Variants in PACRG observed in about 807,000 individuals in gnomAD.
PACRG encodes the protein parkin coregulated gene protein.
Under a neutral mutation model 29.7 loss-of-function variants are expected in PACRG, and 29 were observed. That is an observed-to-expected ratio of 0.98 (90% confidence interval 0.73 to 1.33). The LOEUF (loss-of-function observed/expected upper bound fraction) is 1.33. Among genes scored for constraint, PACRG ranks in the 40% most tolerant of loss-of-function variants. The probability of loss-of-function intolerance (pLI) is 0.00; values close to 1 mark genes in which losing one functional copy is unlikely to be tolerated. For synonymous variants in PACRG, 116 were observed against 118.7 expected, an observed-to-expected ratio of 0.98 and a Z score of 0.15; for missense variants, 279 against 316.2, an observed-to-expected ratio of 0.88 and a Z score of 0.89.
At chr6:162,749,230 T>C (rs1781330345) in intron 1 of PACRG, among the ~76,000 whole-genome samples, 1 of 152,182 alleles carries the variant, frequency 6.6e-6, no homozygotes, top group African/African-American at 2.4e-5. Flanking sequence ...CTCTGAACAT[T>C]GTTGTACAAG....
chr6:162,728,076 G>C lies in PACRG; in HGVS notation c.-160G>C. ...CTAGGGTCCAGCTCCCTTCACCTAG[G>C]AGCTGCCAAACATCTGGATCAACCT... On this transcript the variant is annotated 5_prime_UTR_variant, in exon 1 of 5. Coordinates refer to ENST00000366888, the MANE Select transcript of PACRG (RefSeq NM_001080379.2). The C allele has an allele frequency of 1.2e-6, 1 of 867,446 alleles. No homozygotes were observed. The highest frequency in any genetic ancestry group is 1.8e-6 in the Non-Finnish European group (1 of 556,570). The allele number at this position is 867,446 out of a possible 1,614,324, so 53.7% of individuals were successfully genotyped here.
Position 162,814,165 on chromosome 6 carries a change from G to GC in PACRG, c.176dup (p.Gly60ArgfsTer4). ...AATTAAGGTGAGAGGCCCTCCAGCT[G>GC]CAGGGGCATTTAAAGAAAGACCAAC... On this transcript the variant is annotated frameshift_variant, in exon 2 of 5. Coordinates refer to ENST00000366888, the MANE Select transcript of PACRG (RefSeq NM_001080379.2). LOFTEE classifies it high-confidence loss of function. The GC allele has an allele frequency of 6.2e-7, 1 of 1,611,710 alleles. No homozygotes were observed. Among genetic ancestry groups the GC allele is most frequent in the Non-Finnish European group, 8.5e-7 (1 of 1,178,614 alleles).
At chr6:162,868,067 G>A (rs1013548701) in intron 2 of PACRG, among the ~76,000 whole-genome samples, 3 of 152,162 alleles carry the variant, frequency 2.0e-5, no homozygotes, top group Non-Finnish European at 4.4e-5. Flanking sequence ...AGACCCTTTT[G>A]CATTTTAAGC....
intron 4 of PACRG, among the ~76,000 whole-genome samples, chr6:163,122,408 G>A (rs1397132611): frequency 6.6e-6 from 1 of 152,138 alleles, no homozygotes; most frequent in African/African-American, 2.4e-5. Flanking sequence ...ACTGTTAGAG[G>A]TGGAGCCTAC....
chr6:162,865,344 A>G (rs1473362243), intron 2 of PACRG, among the ~76,000 whole-genome samples: 1 of 152,226 alleles, frequency 6.6e-6, no homozygotes, highest in Non-Finnish European at 1.5e-5. Context: ...TCCACTGACT[A>G]TGATAGTCTT....
At chr6:163,042,267 G>A (rs922612814) in intron 2 of PACRG, among the ~76,000 whole-genome samples, 3 of 152,226 alleles carry the variant, frequency 2.0e-5, no homozygotes, top group African/African-American at 7.2e-5. Context: ...AGAGCCAGGA[G>A]CAAGGGGAAT....
intron 2 of PACRG, among the ~76,000 whole-genome samples, chr6:162,889,709 T>C (rs974220680): frequency 6.6e-6 from 1 of 152,260 alleles, no homozygotes; most frequent in East Asian, 1.9e-4. Context: ...CTTCTACTTA[T>C]ATAAGCATCT....
chr6:162,789,715 T>G (rs10755591), intron 1 of PACRG, among the ~76,000 whole-genome samples: 1 of 151,936 alleles, frequency 6.6e-6, no homozygotes, highest in African/African-American at 2.4e-5. Context: ...TTAGACTGTT[T>G]TCATAAGTCT....
At chr6:163,257,322 T>G (rs1783152491) in intron 4 of PACRG, among the ~76,000 whole-genome samples, 2 of 151,484 alleles carry the variant, frequency 1.3e-5, no homozygotes, top group African/African-American at 2.4e-5. Context: ...TGGATAGGGG[T>G]AAGGGGGTTC....
chr6:163,090,928 C>T (rs974238524), intron 4 of PACRG, among the ~76,000 whole-genome samples: 9 of 152,192 alleles, frequency 5.9e-5, no homozygotes. Context: ...GATGCATGTA[C>T]TATTACTATT....
At chr6:163,100,953 A>C (rs1192268607) in intron 4 of PACRG, 74 of 984,992 alleles carry the variant, frequency 7.5e-5, no homozygotes, top group Non-Finnish European at 8.7e-5. Flanking sequence ...TAAAGATGGC[A>C]ACGTAATTAT....
At chr6:163,305,736 A>G (rs1481274249) in intron 4 of PACRG, among the ~76,000 whole-genome samples, 2 of 152,176 alleles carry the variant, frequency 1.3e-5, no homozygotes, top group Admixed American at 6.5e-5. Context: ...AGGACCTGTA[A>G]TGAAGTAAAG....
At chr6:163,119,371 A>G (rs2128323801) in intron 4 of PACRG, among the ~76,000 whole-genome samples, 1 of 152,354 alleles carries the variant, frequency 6.6e-6, no homozygotes, top group East Asian at 1.9e-4. Context: ...CAATATTAGC[A>G]AAGCATTCAG....
intron 4 of PACRG, among the ~76,000 whole-genome samples, chr6:163,267,168 T>G (rs13217534): frequency 0.24 from 36,758 of 152,028 alleles, 4,819 homozygotes; most frequent in Middle Eastern, 0.33. Flanking sequence ...CTGCCACTCG[T>G]TGGTGCTGGG....
At chr6:163,235,111 A>G (rs1374626597) in intron 4 of PACRG, among the ~76,000 whole-genome samples, 1 of 152,198 alleles carries the variant, frequency 6.6e-6, no homozygotes, top group African/African-American at 2.4e-5. Context: ...ACATAGCGGA[A>G]GAATTTGCCT....
chr6:162,728,145 G>C lies in PACRG; in HGVS notation c.-91G>C, dbSNP rs1779420772. The C allele has an allele frequency of 6.2e-6, 9 of 1,455,286 alleles. No individual in the cohort carries two copies. Among genetic ancestry groups the C allele is most frequent in the Non-Finnish European group, 8.4e-6 (9 of 1,073,694 alleles). The allele number at this position is 1,455,286 out of a possible 1,614,324, so 90.1% of individuals were successfully genotyped here. Reference sequence around the variant, plus strand: ...AATTTCTACCATTATCGCGCCTTTTGATATTTTTTTCCAGACCTCCTGCTC... The same window carrying C: ...AATTTCTACCATTATCGCGCCTTTTCATATTTTTTTCCAGACCTCCTGCTC... On this transcript the variant is annotated 5_prime_UTR_variant, in exon 1 of 5. Coordinates refer to ENST00000366888, the MANE Select transcript of PACRG (RefSeq NM_001080379.2).
At chr6:163,044,924 G>A (rs935868282) in intron 2 of PACRG, among the ~76,000 whole-genome samples, 5 of 152,216 alleles carry the variant, frequency 3.3e-5, no homozygotes, top group African/African-American at 7.2e-5. Context: ...GTATCTTGCA[G>A]TATAACTATA....
chr6:163,218,388 A>G (rs368067236), intron 4 of PACRG, among the ~76,000 whole-genome samples: 37 of 152,210 alleles, frequency 2.4e-4, no homozygotes, highest in African/African-American at 8.4e-4. Flanking sequence ...CTAGAAATAA[A>G]TTCCTTTTTG....
intron 4 of PACRG, among the ~76,000 whole-genome samples, chr6:163,237,296 G>A (rs1471491794): frequency 1.3e-5 from 2 of 152,110 alleles, no homozygotes; most frequent in African/African-American, 4.8e-5. Context: ...TTTTGGTCAC[G>A]TGATTGTTCC....
Sources: allele counts gnomAD v4.1 joint callset (sites outside exome capture counted in the v4.1 genomes callset), GRCh38; gene constraint gnomAD v4.1.1; transcripts MANE v1.5; gene names NCBI Gene and HGNC (gene_info 2026-07-23, HGNC 2026-07-21).